Variants in LYZL1 observed in about 807,000 individuals in gnomAD.
LYZL1 encodes the protein lysozyme like 1.
In LYZL1, 16 loss-of-function variants were observed where a neutral mutation model predicts 17.9. The ratio of observed to expected loss-of-function variants is 0.90; its 90% CI spans 0.61 to 1.36. The LOEUF (loss-of-function observed/expected upper bound fraction) is 1.36. Among genes scored for constraint, LYZL1 ranks in the 40% most tolerant of loss-of-function variants. The pLI is 0.00. For synonymous variants in LYZL1, 58 were observed against 71.8 expected (o/e 0.81, Z 0.97); for missense variants, 149 against 188.4 (o/e 0.79, Z 1.22).
chr10:29,306,783 T>C (rs1020455886), intron 3 of LYZL1, among the ~76,000 whole-genome samples: 1 of 148,192 alleles, frequency 6.7e-6, no homozygotes, highest in Non-Finnish European at 1.5e-5. Flanking sequence ...CCTCACATAG[T>C]TACCGCTTAT....
At chr10:29,309,706 G>C (rs1436981352) in intron 3 of LYZL1, among the ~76,000 whole-genome samples, 2 of 152,098 alleles carry the variant, frequency 1.3e-5, no homozygotes, top group Non-Finnish European at 2.9e-5. Flanking sequence ...ACGTTGCCCA[G>C]GCTGGACTCA....
chr10:29,314,317 C>G (rs546365875), downstream of LYZL1, among the ~76,000 whole-genome samples: 2 of 152,202 alleles, frequency 1.3e-5, no homozygotes, highest in African/African-American at 4.8e-5. Context: ...TATATTTCCA[C>G]AATCCCTGCT....
chr10:29,301,356 T>C lies in LYZL1; in HGVS notation c.298+8679T>C, dbSNP rs190943534. Among the ~76,000 whole-genome samples, 639 of 152,202 alleles carry C rather than the reference T, an allele frequency of 4.2e-3. 6 individuals carry two copies. Among genetic ancestry groups the C allele is most frequent in the African/African-American group, 0.014 (588 of 41,528 alleles). On this transcript the variant is annotated intron_variant, in intron 3 of 4. Transcript: ENST00000649382. ...AAATTGGCCAGTCTCAGGTATGTCT[T>C]TATCAGCAGAATGAAAATGGACTAA... is the stretch of plus-strand genomic sequence containing the variant.
chr10:29,306,571 A>C (rs1364865465), intron 3 of LYZL1, among the ~76,000 whole-genome samples: 1 of 147,648 alleles, frequency 6.8e-6, no homozygotes, highest in African/African-American at 2.6e-5. Flanking sequence ...AAAAAAAAAA[A>C]AAAAGAAAAA....
chr10:29,293,127 CTTTTTTCTTTTTT>C (rs1323361289), intron 3 of LYZL1, among the ~76,000 whole-genome samples: 5 of 104,198 alleles, frequency 4.8e-5, no homozygotes, highest in Non-Finnish European at 7.9e-5. Flanking sequence ...CTTTTCTTTT[CTTTTTTCTTTTTT>C]TTTTTTTTTT....
chr10:29,304,629 G>A (rs1835567152), intron 3 of LYZL1, among the ~76,000 whole-genome samples: 1 of 152,184 alleles, frequency 6.6e-6, no homozygotes, highest in South Asian at 2.1e-4. Context: ...ATGTTTGACA[G>A]GACAGACTGT....
chr10:29,308,091 T>C (rs545197608), intron 3 of LYZL1, among the ~76,000 whole-genome samples: 90 of 152,274 alleles, frequency 5.9e-4, no homozygotes, highest in African/African-American at 1.7e-3. Context: ...GGTTTGAGTA[T>C]TTTTGTCCTT....
rs183448297 is a variant in LYZL1, at chr10:29,311,093, G to A, written c.*34G>A. 9.9e-6 allele frequency: 16 copies of A among 1,614,088 alleles called. No individual in the cohort carries two copies. The highest frequency in any genetic ancestry group is 2.2e-5 in the East Asian group (1 of 44,884). Reference sequence around the variant, plus strand: ...TGGACCCAGGATGCTTTGCAGCAACGCCCTAGGATTTGCAGTGAATGTCCA... The same window carrying A: ...TGGACCCAGGATGCTTTGCAGCAACACCCTAGGATTTGCAGTGAATGTCCA... On this transcript the variant is annotated 3_prime_UTR_variant, in exon 5 of 5. Transcript: ENST00000649382.
intron 3 of LYZL1, among the ~76,000 whole-genome samples, chr10:29,303,057 C>A (rs1211072337): frequency 6.6e-6 from 1 of 152,198 alleles, no homozygotes; most frequent in Non-Finnish European, 1.5e-5. Flanking sequence ...AATCAAATGT[C>A]TTCCAGCCCC....
chr10:29,308,150 T>G (rs1387623551), intron 3 of LYZL1, among the ~76,000 whole-genome samples: 6 of 152,238 alleles, frequency 3.9e-5, no homozygotes, highest in Admixed American at 1.3e-4. Context: ...GATCCCCTGC[T>G]AAGGAAAGAC....
At chr10:29,314,280 T>G (rs1019832974), downstream of LYZL1, among the ~76,000 whole-genome samples, 1 of 152,196 alleles carries the variant, frequency 6.6e-6, no homozygotes, top group Non-Finnish European at 1.5e-5. Context: ...GTAAGCTCTT[T>G]GAGGCCTGGA....
In LYZL1 at chr10:29,300,905, T is replaced by C. The variant is rs181613020; in HGVS notation, c.298+8228T>C. On this transcript the variant is annotated intron_variant, in intron 3 of 4. Transcript: ENST00000649382. ...GGCATGATCACAGTTCACTGCAGCC[T>C]CAACTTCCTGGGCTCAAGTAATCCT... is the stretch of plus-strand genomic sequence containing the variant. Among the ~76,000 whole-genome samples, 864 of 152,306 alleles carry C rather than the reference T, an allele frequency of 5.7e-3. 13 individuals carry two copies. The highest frequency in any genetic ancestry group is 0.019 in the African/African-American group (795 of 41,572).
chr10:29,302,136 T>G (rs916556162), intron 3 of LYZL1, among the ~76,000 whole-genome samples: 1 of 152,230 alleles, frequency 6.6e-6, no homozygotes, highest in African/African-American at 2.4e-5. Flanking sequence ...TGACTGATCT[T>G]TCTCCTGGTA....
chr10:29,297,076 CT>C (rs941944983), intron 3 of LYZL1, among the ~76,000 whole-genome samples: 140 of 125,488 alleles, frequency 1.1e-3, no homozygotes, highest in Non-Finnish European at 2.1e-3. Context: ...AAGCAAGATG[CT>C]TTTTTTGAAA....
downstream of LYZL1, among the ~76,000 whole-genome samples, chr10:29,314,505 T>C (rs1835706984): frequency 6.6e-6 from 1 of 152,158 alleles, no homozygotes; most frequent in Non-Finnish European, 1.5e-5. Flanking sequence ...TTCCAGCTAC[T>C]CAGGAGGTTG....
intron 3 of LYZL1, among the ~76,000 whole-genome samples, chr10:29,307,263 C>T (rs1024983731): frequency 6.6e-6 from 1 of 152,198 alleles, no homozygotes; most frequent in African/African-American, 2.4e-5. Context: ...TTAGACCCTT[C>T]CATCAGCGTC....
chr10:29,292,518 G>T lies in LYZL1; in HGVS notation c.140-1G>T. 6.2e-7 allele frequency: 1 copy of T among 1,612,956 alleles called. No individual in the cohort carries two copies. The highest frequency in any genetic ancestry group is 8.5e-7 in the Non-Finnish European group (1 of 1,179,658). ...GGCGTTTCTGGCTTTCCCCCCTCCA[G>T]GGATCTGCATGGCATATTATGAGAG... On this transcript the variant is annotated splice_acceptor_variant, in intron 2 of 4. Coordinates refer to ENST00000649382, the MANE Select transcript of LYZL1 (RefSeq NM_032517.6). LOFTEE classifies it high-confidence loss of function.
chr10:29,294,758 A>G (rs2132817709), intron 3 of LYZL1, among the ~76,000 whole-genome samples: 1 of 152,326 alleles, frequency 6.6e-6, no homozygotes, highest in Non-Finnish European at 1.5e-5. Context: ...TCCTTATTGA[A>G]GGGAGATACA....
intron 3 of LYZL1, among the ~76,000 whole-genome samples, chr10:29,309,522 G>A (rs118100776): frequency 0.018 from 2,781 of 151,686 alleles, 47 homozygotes; most frequent in South Asian, 0.081. Context: ...CTTAAGACAG[G>A]GTCTCACTCT....
Sources: gnomAD v4.1 joint callset for allele counts (sites outside exome capture counted in the v4.1 genomes callset) on GRCh38, gnomAD v4.1.1 for gene constraint, MANE v1.5 for transcripts, NCBI Gene and HGNC (gene_info 2026-07-23, HGNC 2026-07-21) for gene names.